The following GBF1 variants were observed in gnomAD, a reference collection of about 807,000 sequenced individuals.
The protein encoded by GBF1 is golgi brefeldin A resistant guanine nucleotide exchange factor 1, also known as Golgi-specific brefeldin A-resistance guanine nucleotide exchange factor 1.
A neutral mutation model predicts 210.5 loss-of-function variants in GBF1; 114 were observed. That is an observed-to-expected ratio of 0.54 (90% confidence interval 0.47 to 0.63). The LOEUF (loss-of-function observed/expected upper bound fraction) is 0.63, where lower values mean the gene tolerates loss of function less well. Ranked by LOEUF, GBF1 falls within the 30% of genes least tolerant of loss-of-function variation. GBF1 has a pLI of 0.00. For missense variants in GBF1, 1,851 were observed against 2,357.7 expected, an observed-to-expected ratio of 0.79 and a Z score of 4.45; for synonymous variants, 850 against 889.2, an observed-to-expected ratio of 0.96 and a Z score of 0.78.
chr10:102,346,789 G>A (rs2058605162), intron 4 of GBF1, among the ~76,000 whole-genome samples: 1 of 152,186 alleles, frequency 6.6e-6, no homozygotes, highest in Non-Finnish European at 1.5e-5. Context: ...TTACGGATGT[G>A]AGCCATTGCA....
chr10:102,373,778 C>T (rs1402042439), intron 29 of GBF1, among the ~76,000 whole-genome samples: 1 of 152,160 alleles, frequency 6.6e-6, no homozygotes, highest in Non-Finnish European at 1.5e-5. Context: ...CACCCTTGGA[C>T]ATTTATCCCA....
At chr10:102,299,378 C>G (rs986370467) in intron 3 of GBF1, among the ~76,000 whole-genome samples, 4 of 152,134 alleles carry the variant, frequency 2.6e-5, no homozygotes, top group Non-Finnish European at 5.9e-5. Flanking sequence ...TGAAACTGTT[C>G]TGTATCCTCA....
Position 102,375,437 on chromosome 10 carries a change from C to T in GBF1, c.3739C>T (p.Leu1247Phe), listed in dbSNP as rs761638809. 1.2e-6 allele frequency: 2 copies of T among 1,613,540 alleles called. No homozygotes were observed. Among genetic ancestry groups the T allele is most frequent in the East Asian group, 2.2e-5 (1 of 44,884 alleles). ...SRVSHQVAYG[L>F]HELLKTNAAN... ...AGTCAGCCACCAGGTTGCGTATGGG[C>T]TCCATGAACTCCTGAAGACCAATGC... The change falls in exon 30 of 40, where the codon CTC becomes TTC. Residue 1247 changes from leucine (L) to phenylalanine (F), a missense_variant. Transcript: ENST00000369983.
intron 3 of GBF1, among the ~76,000 whole-genome samples, chr10:102,290,099 AC>A (rs1389322825): frequency 1.3e-5 from 2 of 152,142 alleles, no homozygotes; most frequent in Admixed American, 1.3e-4. Context: ...ACAGAGTAAG[AC>A]CCTTTCTCAA....
At chr10:102,230,889 G>T in the GBF1 span, 2 of 1,610,578 alleles carry the variant, frequency 1.2e-6, no homozygotes, top group South Asian at 1.1e-5. Flanking sequence ...GAGGCCCCAC[G>T]TTGACCGAGT....
At chr10:102,273,573 C>A (rs1190951563) in intron 3 of GBF1, among the ~76,000 whole-genome samples, 2 of 152,150 alleles carry the variant, frequency 1.3e-5, no homozygotes, top group East Asian at 3.9e-4. Flanking sequence ...AATGTTATTT[C>A]ATGGGCAAGG....
chr10:102,244,686 G>A (rs1034055374), upstream of GBF1, among the ~76,000 whole-genome samples: 1 of 152,138 alleles, frequency 6.6e-6, no homozygotes. Flanking sequence ...GGCAGACCGG[G>A]AGTCAAAGCC....
At chr10:102,268,695 T>G (rs1178193160) in intron 3 of GBF1, among the ~76,000 whole-genome samples, 1 of 152,190 alleles carries the variant, frequency 6.6e-6, no homozygotes, top group East Asian at 1.9e-4. Context: ...TGCTTGAAAT[T>G]CAATGTGTTG....
At chr10:102,284,891 G>A (rs2075813909) in intron 3 of GBF1, among the ~76,000 whole-genome samples, 1 of 151,890 alleles carries the variant, frequency 6.6e-6, no homozygotes, top group African/African-American at 2.4e-5. Context: ...AATGCATGAG[G>A]GTTCCAGTTT....
rs897331172 is a variant in GBF1, at chr10:102,279,306, A to G, written c.163+19190A>G. On this transcript the variant is annotated intron_variant, in intron 3 of 39. Transcript: ENST00000369983. ...CCCAGTGGAATTTGTTCTCCACTCA[A>G]CCAACAGCATAAGTGCTTTTTCTCT... Among the ~76,000 whole-genome samples the G allele has an allele frequency of 8.5e-5, 13 of 152,358 alleles. No individual in the cohort carries two copies. The East Asian group carries it at 2.3e-3, about 27-fold the overall frequency.
At chr10:102,377,286 C>T in intron 33 of GBF1, 146 bp downstream of exon 33, 1 of 575,024 alleles carries the variant, frequency 1.7e-6, no homozygotes, top group South Asian at 2.3e-5. Context: ...TTCCCTTACC[C>T]AAAACCTTAC....
At chr10:102,273,741 G>A (rs2074657321) in intron 3 of GBF1, among the ~76,000 whole-genome samples, 1 of 152,200 alleles carries the variant, frequency 6.6e-6, no homozygotes, top group South Asian at 2.1e-4. Flanking sequence ...TATTTAGATG[G>A]TTGTTTCTGG....
chr10:102,320,082 A>G (rs1057254378), intron 3 of GBF1, among the ~76,000 whole-genome samples: 2 of 151,748 alleles, frequency 1.3e-5, no homozygotes, highest in Non-Finnish European at 2.9e-5. Flanking sequence ...TTTTTACGTC[A>G]TCCAGTAGCT....
intron 8 of GBF1, among the ~76,000 whole-genome samples, chr10:102,355,431 A>G (rs994521006): frequency 1.3e-5 from 2 of 152,178 alleles, no homozygotes; most frequent in African/African-American, 4.8e-5. Flanking sequence ...TGGAGTACAG[A>G]GTCATACAGA....
chr10:102,377,237 G>T, intron 33 of GBF1, 97 bp downstream of exon 33: 1 of 918,526 alleles, frequency 1.1e-6, no homozygotes, highest in Admixed American at 2.0e-5. Flanking sequence ...AAGGGCCCAT[G>T]TGTGCCAGCC....
intron 3 of GBF1, among the ~76,000 whole-genome samples, chr10:102,305,334 C>T (rs892995334): frequency 6.6e-6 from 1 of 151,878 alleles, no homozygotes; most frequent in African/African-American, 2.4e-5. Context: ...GAGTCCTGGC[C>T]AGGTGCAGTG....
chr10:102,380,572 A>G lies in GBF1; in HGVS notation c.5059A>G (p.Ser1687Gly), dbSNP rs1469993493. ...GATGGACACAGCGGAGATTTTCCAC[A>G]GTGCAGATGCACGGGGAGGCGGCCC... ...LVMDTAEIFHSADARGGGPSA... is the reference protein window; with the variant it reads ...LVMDTAEIFHGADARGGGPSA... Residue 1687 changes from serine to glycine, a missense_variant, in exon 38 of 40, where the codon AGT becomes GGT. Physicochemically the swap from Ser to Gly is moderately conservative, Grantham distance 56. Coordinates refer to ENST00000369983, the MANE Select transcript of GBF1 (RefSeq NM_001377137.1). 1.9e-6 allele frequency: 3 copies of G among 1,613,916 alleles called. No homozygotes were observed. Among genetic ancestry groups the G allele is most frequent in the Non-Finnish European group, 2.5e-6 (3 of 1,179,948 alleles).
chr10:102,274,694 CA>C (rs1262127712), intron 3 of GBF1, among the ~76,000 whole-genome samples: 2 of 112,428 alleles, frequency 1.8e-5, no homozygotes, highest in East Asian at 5.6e-4. Context: ...AGGTGCAAAA[CA>C]AAGATTTTTT....
chr10:102,363,766 C>T lies in GBF1; in HGVS notation c.2074C>T (p.Arg692Trp), dbSNP rs760390459. The part of the protein sequence containing the change: ...PRFSCLLPDP[R>W]ELIEIKNKKK... ...ATTTTCCTGTCTCCTGCCAGATCCA[C>T]GGGAACTAATTGAAATTAAAAACAA... The change falls in exon 17 of 40, where the codon CGG (arginine) becomes TGG (tryptophan). Residue 692 changes from arginine (R) to tryptophan (W), a missense_variant. Arg to Trp is a moderately radical substitution (Grantham distance 101). Coordinates refer to ENST00000369983, the MANE Select transcript of GBF1 (RefSeq NM_001377137.1). This position sits in a 1 kb window ranked among gnomAD's most constrained non-coding sequence, Gnocchi z 4.2. The T allele has an allele frequency of 2.5e-6, 4 of 1,612,392 alleles. No individual in the cohort carries two copies. The highest frequency in any genetic ancestry group is 1.3e-5 in the African/African-American group (1 of 74,978).
Sources: gnomAD v4.1 joint callset for allele counts (sites outside exome capture counted in the v4.1 genomes callset) on GRCh38, gnomAD v4.1.1 for gene constraint, Gnocchi (gnomAD v3.1) non-coding constraint, MANE v1.5 for transcripts, NCBI Gene and HGNC (gene_info 2026-07-23, HGNC 2026-07-21) for gene names.